Variants in GPD2 observed in about 807,000 individuals in gnomAD.
GPD2 encodes the protein glycerol-3-phosphate dehydrogenase 2, also known as glycerol-3-phosphate dehydrogenase, mitochondrial.
A neutral mutation model predicts 82.4 loss-of-function variants in GPD2; 54 were observed. The observed-to-expected ratio is 0.66, with a 90% CI of 0.53 to 0.82. GPD2 has a LOEUF of 0.82. Ranked by LOEUF, GPD2 falls within the 40% of genes least tolerant of loss-of-function variation. The probability of loss-of-function intolerance (pLI) is 0.00; values close to 1 mark genes in which losing one functional copy is unlikely to be tolerated. For synonymous variants in GPD2, 288 were observed against 306.1 expected (o/e 0.94, Z 0.62); for missense variants, 748 against 896.2 (o/e 0.83, Z 2.11).
intron 2 of GPD2, among the ~76,000 whole-genome samples, chr2:156,480,232 A>C (rs1683673951): frequency 6.6e-6 from 1 of 152,168 alleles, no homozygotes; most frequent in African/African-American, 2.4e-5. Flanking sequence ...GGATACTTTT[A>C]GAACAAGTAA....
chr2:156,406,388 T>C, the GPD2 span, among the ~76,000 whole-genome samples: 1 of 152,162 alleles, frequency 6.6e-6, no homozygotes, highest in Admixed American at 6.5e-5. Context: ...GCATATCCAA[T>C]TAGTCAACAA....
At chr2:156,515,353 A>C (rs975550133) in intron 6 of GPD2, among the ~76,000 whole-genome samples, 1 of 151,894 alleles carries the variant, frequency 6.6e-6, no homozygotes, top group African/African-American at 2.4e-5. Flanking sequence ...AGCCTGGGCA[A>C]CAGCATGAGA....
the GPD2 span, among the ~76,000 whole-genome samples, chr2:156,407,869 A>G: frequency 6.7e-6 from 1 of 148,398 alleles, no homozygotes; most frequent in African/African-American, 2.5e-5. Flanking sequence ...CATTGCATTT[A>G]TTATATTACT....
chr2:156,471,637 TCC>T (rs1042451816), intron 1 of GPD2, among the ~76,000 whole-genome samples: 1 of 152,182 alleles, frequency 6.6e-6, no homozygotes, highest in African/African-American at 2.4e-5. Flanking sequence ...CCAAATTTTT[TCC>T]CCTTCAAGAC....
At position 156,586,379 on chromosome 2, in the gene GPD2, A is replaced by G. The variant is rs566790891; in HGVS notation, c.*3461A>G. ...TGTATTTGTGCAATCCTATTCTACA[A>G]TTACATTCATCCTATTACAACTCAG... On this transcript the variant is annotated 3_prime_UTR_variant, in exon 17 of 17. Transcript: ENST00000438166. 6.6e-6 allele frequency: 1 copy of G among 152,158 alleles called. No individual in the cohort carries two copies. Among genetic ancestry groups the G allele is most frequent in the South Asian group, 2.1e-4 (1 of 4,822 alleles). 9.4% of individuals were successfully genotyped at this position (152,158 alleles called of 1,614,324 possible).
intron 1 of GPD2, among the ~76,000 whole-genome samples, chr2:156,455,310 T>C (rs77201712): frequency 0.047 from 7,167 of 152,306 alleles, 251 homozygotes; most frequent in Middle Eastern, 0.088. Context: ...CAACCATGGT[T>C]CTATCTAATC....
At chr2:156,406,519 C>T in the GPD2 span, among the ~76,000 whole-genome samples, 1 of 152,218 alleles carries the variant, frequency 6.6e-6, no homozygotes, top group African/African-American at 2.4e-5. Context: ...CCTCAGATTT[C>T]CTCTGCCATC....
chr2:156,444,042 A>T (rs903879128), intron 1 of GPD2, among the ~76,000 whole-genome samples: 4 of 152,138 alleles, frequency 2.6e-5, no homozygotes, highest in Admixed American at 1.3e-4. Flanking sequence ...CACTGTCTGG[A>T]CCTTTCACTT....
chr2:156,449,158 AT>A lies in GPD2; in HGVS notation c.-9+12656del, dbSNP rs758047141. Among the ~76,000 whole-genome samples, 632 of 149,024 alleles carry A rather than the reference AT, an allele frequency of 4.2e-3. 2 individuals carry two copies. The highest frequency in any genetic ancestry group is 6.4e-3 in the Non-Finnish European group (429 of 67,014). On this transcript the variant is annotated intron_variant, in intron 1 of 16. Transcript: ENST00000438166. ...GGTCTTAATTTAATCACATTGGTGA[AT>A]TTTTTTTTTTCCTTATAACATTCAC...
intron 1 of GPD2, among the ~76,000 whole-genome samples, chr2:156,451,656 C>T (rs1408796159): frequency 9.6e-5 from 12 of 124,952 alleles, no homozygotes; most frequent in South Asian, 2.7e-4. Flanking sequence ...GCAGAGGCGC[C>T]CCTCACCTCC....
chr2:156,523,667 T>C (rs1685496237), intron 6 of GPD2, among the ~76,000 whole-genome samples: 1 of 145,782 alleles, frequency 6.9e-6, no homozygotes, highest in African/African-American at 2.6e-5. Flanking sequence ...AATAATTTCT[T>C]TTCTAGATAG....
chr2:156,585,069 A>G lies in GPD2; in HGVS notation c.*2151A>G, dbSNP rs1386360369. ...TTGAGCATATCTGCTTTTACTTTAA[A>G]TCTGCTAATTTCTAAAATGTAGAGT... On this transcript the variant is annotated 3_prime_UTR_variant, in exon 17 of 17. Coordinates refer to ENST00000438166, the MANE Select transcript of GPD2 (RefSeq NM_000408.5). 1 of 151,966 alleles carries G rather than the reference A, an allele frequency of 6.6e-6. No individual in the cohort carries two copies. The highest frequency in any genetic ancestry group is 1.5e-5 in the Non-Finnish European group (1 of 67,940). 9.4% of individuals were successfully genotyped at this position (151,966 alleles called of 1,614,324 possible). A position where few individuals can be genotyped will look rare whatever the true frequency, so the allele number is the denominator to read the frequency against.
intron 2 of GPD2, among the ~76,000 whole-genome samples, chr2:156,478,629 A>G (rs1254230285): frequency 6.6e-6 from 1 of 152,188 alleles, no homozygotes; most frequent in East Asian, 1.9e-4. Context: ...ATATCTGCCA[A>G]TAAGAGCCAT....
the GPD2 span, among the ~76,000 whole-genome samples, chr2:156,425,945 C>T: frequency 7.3e-6 from 1 of 136,210 alleles, no homozygotes; most frequent in Admixed American, 7.7e-5. Flanking sequence ...TTTTTTGAGA[C>T]ACAGTTTCAC....
chr2:156,569,618 T>C, intron 11 of GPD2, 80 bp downstream of exon 11: 1 of 1,001,008 alleles, frequency 1.0e-6, no homozygotes, highest in Non-Finnish European at 1.6e-6. Flanking sequence ...AGCAATCAGG[T>C]CTCCCTGATT....
At chr2:156,426,196 T>A in the GPD2 span, among the ~76,000 whole-genome samples, 417 of 152,318 alleles carry the variant, frequency 2.7e-3, 1 homozygote, top group African/African-American at 9.3e-3. Flanking sequence ...GTGCTGGGAT[T>A]ACAGGCGTGA....
the GPD2 span, among the ~76,000 whole-genome samples, chr2:156,400,486 C>A: frequency 6.6e-6 from 1 of 152,218 alleles, no homozygotes; most frequent in African/African-American, 2.4e-5. Context: ...CCGCTGTGGC[C>A]GCGCAGGGCA....
At chr2:156,446,615 C>G (rs1455006906) in intron 1 of GPD2, among the ~76,000 whole-genome samples, 2 of 151,010 alleles carry the variant, frequency 1.3e-5, no homozygotes, top group Non-Finnish European at 3.0e-5. Flanking sequence ...GGCTCTGGCA[C>G]CCAGGCTGGA....
chr2:156,476,179 C>G lies in GPD2; in HGVS notation c.74C>G (p.Ser25Cys). The G allele has an allele frequency of 6.2e-7, 1 of 1,601,530 alleles. No individual in the cohort carries two copies. Among genetic ancestry groups the G allele is most frequent in the Middle Eastern group, 1.7e-4 (1 of 6,034 alleles). The change falls in exon 2 of 17, where the codon TCT (serine) becomes TGT (cysteine). Residue 25 changes from serine to cysteine, a missense_variant. Physicochemically the swap from Ser to Cys is moderately radical, Grantham distance 112. This residue lies in a region of GPD2 where 692 missense variants were observed against 809.7 expected (regional missense o/e 0.85). Transcript: ENST00000438166. ...GCTCTTGCAACTGTTTTAGGACTTT[C>G]TCAGTTTGCTCATTACAGAAGGAAA... The part of the protein sequence containing the change: ...GGALATVLGL[S>C]QFAHYRRKQM...
Sources: gnomAD v4.1 joint callset for allele counts (sites outside exome capture counted in the v4.1 genomes callset) on GRCh38, gnomAD v4.1.1 for gene constraint, gnomAD v4.1.1 regional missense constraint, MANE v1.5 for transcripts, NCBI Gene and HGNC (gene_info 2026-07-23, HGNC 2026-07-21) for gene names.